ADAM23: variants seen among roughly 807,000 people sequenced by gnomAD.
ADAM23 encodes ADAM metallopeptidase domain 23, also known as disintegrin and metalloproteinase domain-containing protein 23.
In ADAM23, 33 loss-of-function variants were observed where a neutral mutation model predicts 120.1. That is an observed-to-expected ratio of 0.27 (90% confidence interval 0.21 to 0.37). The LOEUF is 0.37. Ranked by LOEUF, ADAM23 falls within the 10% of genes least tolerant of loss-of-function variation. The pLI is 1.00. For missense variants in ADAM23, 862 were observed against 1,058.2 expected, an observed-to-expected ratio of 0.81 and a Z score of 2.57; for synonymous variants, 367 against 375.2, an observed-to-expected ratio of 0.98 and a Z score of 0.25.
Position 206,558,363 on chromosome 2 carries a change from G to A in ADAM23, c.1005+865G>A, listed in dbSNP as rs982322569. On this transcript the variant is annotated intron_variant, in intron 10 of 25. Coordinates refer to ENST00000264377, the MANE Select transcript of ADAM23 (RefSeq NM_003812.4). ...AAAAAAACCCCACCATTTTTTATAA[G>A]TTGCCAAATATCTAAATGATACTTA... 5.3e-5 allele frequency among the ~76,000 whole-genome samples: 8 copies of A among 152,144 alleles called. No individual in the cohort carries two copies. In the South Asian group the frequency reaches 6.2e-4, roughly 12 times the overall value.
At chr2:206,488,281 G>A (rs550942237) in intron 3 of ADAM23, among the ~76,000 whole-genome samples, 7 of 152,200 alleles carry the variant, frequency 4.6e-5, no homozygotes, top group Non-Finnish European at 8.8e-5. Flanking sequence ...AGAATTTCTC[G>A]TCTTCAAGAG....
chr2:206,617,726 CT>C lies in ADAM23; in HGVS notation c.*102del. On this transcript the variant is annotated 3_prime_UTR_variant, in exon 26 of 26. Transcript: ENST00000264377. Reference sequence around the variant, plus strand: ...GAACTATTAAGTTTGTAAACAAAACCTTTGGGTGGTAATGACTACGGAGCTA... The same window carrying C: ...GAACTATTAAGTTTGTAAACAAAACCTTGGGTGGTAATGACTACGGAGCTA... 6.4e-7 allele frequency: 1 copy of C among 1,555,000 alleles called. No individual in the cohort carries two copies. Among genetic ancestry groups the C allele is most frequent in the Non-Finnish European group, 8.7e-7 (1 of 1,150,970 alleles).
intron 18 of ADAM23, among the ~76,000 whole-genome samples, chr2:206,585,535 ATTAG>A (rs1268034680): frequency 6.6e-6 from 1 of 152,228 alleles, no homozygotes; most frequent in Non-Finnish European, 1.5e-5. Flanking sequence ...GGAATGCTAA[ATTAG>A]TTCTGTTATC....
At chr2:206,476,510 G>T (rs536294321) in intron 2 of ADAM23, among the ~76,000 whole-genome samples, 1 of 152,216 alleles carries the variant, frequency 6.6e-6, no homozygotes, top group Admixed American at 6.5e-5. Context: ...TCTCATAGGA[G>T]CATGACCCCT....
At chr2:206,490,750 A>G (rs1271638760) in intron 3 of ADAM23, among the ~76,000 whole-genome samples, 1 of 152,082 alleles carries the variant, frequency 6.6e-6, no homozygotes, top group Non-Finnish European at 1.5e-5. Flanking sequence ...TTTTAATTCT[A>G]GAGTGCCAGG....
chr2:206,565,247 T>C (rs1697854647), intron 14 of ADAM23, among the ~76,000 whole-genome samples, 179 bp downstream of exon 14: 1 of 152,246 alleles, frequency 6.6e-6, no homozygotes, highest in African/African-American at 2.4e-5. Context: ...TAATTTTTTA[T>C]TTAAGGTTGG....
At chr2:206,613,607 C>A (rs997122955) in intron 25 of ADAM23, among the ~76,000 whole-genome samples, 4 of 152,254 alleles carry the variant, frequency 2.6e-5, no homozygotes, top group Admixed American at 1.3e-4. Flanking sequence ...GGATTGCAAA[C>A]CTCTGTCCTA....
At chr2:206,598,144 AT>A (rs1050993926) in intron 24 of ADAM23, among the ~76,000 whole-genome samples, 75 of 152,196 alleles carry the variant, frequency 4.9e-4, no homozygotes, top group African/African-American at 1.6e-3. Context: ...TTTAGAGAAG[AT>A]TTAAGCTCTA....
chr2:206,584,792 C>G (rs1376812479), intron 18 of ADAM23, among the ~76,000 whole-genome samples: 2 of 152,206 alleles, frequency 1.3e-5, no homozygotes, highest in Non-Finnish European at 2.9e-5. Context: ...AAAAGTTCAG[C>G]TAGAGAATTC....
chr2:206,610,103 A>C (rs777449561), intron 25 of ADAM23, 103 bp downstream of exon 25: 1 of 992,152 alleles, frequency 1.0e-6, no homozygotes, highest in Non-Finnish European at 1.4e-6. Flanking sequence ...AGGTTCTGTC[A>C]GTCAAACTGC....
At chr2:206,483,021 A>G (rs1246783550) in intron 3 of ADAM23, among the ~76,000 whole-genome samples, 1 of 152,170 alleles carries the variant, frequency 6.6e-6, no homozygotes, top group Non-Finnish European at 1.5e-5. Flanking sequence ...GGGACAGCTC[A>G]GCTCATGGAA....
chr2:206,476,867 C>T lies in ADAM23; in HGVS notation c.433-4365C>T, dbSNP rs530753327. ...AAATGTTATTTCCCATTTTCAGTTC[C>T]AGTTATGGGTACGCTCTACAGAACT... On this transcript the variant is annotated intron_variant, in intron 2 of 25. Coordinates refer to ENST00000264377, the MANE Select transcript of ADAM23 (RefSeq NM_003812.4). Among the ~76,000 whole-genome samples the T allele has an allele frequency of 4.5e-4, 69 of 152,092 alleles. No homozygotes were observed. In the South Asian group the frequency reaches 0.014, roughly 31 times the overall value.
intron 21 of ADAM23, among the ~76,000 whole-genome samples, chr2:206,591,806 A>G (rs1321691816): frequency 6.6e-6 from 1 of 152,194 alleles, no homozygotes; most frequent in Non-Finnish European, 1.5e-5. Flanking sequence ...TATTTCACCA[A>G]CACTTGGTAT....
intron 2 of ADAM23, among the ~76,000 whole-genome samples, chr2:206,474,801 C>T (rs1695742347): frequency 6.6e-6 from 1 of 152,156 alleles, no homozygotes; most frequent in African/African-American, 2.4e-5. Context: ...TCTTGAACTC[C>T]TGGCTTCAAG....
chr2:206,532,436 G>T lies in ADAM23; in HGVS notation c.573+1488G>T, dbSNP rs1451017515. ...AGACACTCCAAATCTGATATCAGTT[G>T]TAACTAAAACTTAAAAGGTATTTCA... is the stretch of plus-strand genomic sequence containing the variant. On this transcript the variant is annotated intron_variant, in intron 4 of 25. Transcript: ENST00000264377. 2.0e-5 allele frequency among the ~76,000 whole-genome samples: 3 copies of T among 151,956 alleles called. No homozygotes were observed. The East Asian group carries it at 5.8e-4, about 29-fold the overall frequency.
intron 2 of ADAM23, among the ~76,000 whole-genome samples, chr2:206,470,659 G>A (rs192077644): frequency 6.6e-6 from 1 of 152,146 alleles, no homozygotes; most frequent in African/African-American, 2.4e-5. Flanking sequence ...ACTGGCACCT[G>A]CATTTTTGTA....
intron 14 of ADAM23, among the ~76,000 whole-genome samples, chr2:206,565,530 C>G (rs906762995): frequency 1.3e-5 from 2 of 152,174 alleles, no homozygotes; most frequent in East Asian, 3.9e-4. Flanking sequence ...CTTATTGTAT[C>G]TAAATCAGGT....
At chr2:206,557,527 G>T in intron 10 of ADAM23, 29 bp downstream of exon 10, 2 of 1,560,392 alleles carry the variant, frequency 1.3e-6, no homozygotes, top group Non-Finnish European at 1.8e-6. Context: ...TTGAATTTGT[G>T]TGCCAAGATG....
In ADAM23 at chr2:206,617,842, G is replaced by T; in HGVS notation, c.*215G>T. On this transcript the variant is annotated 3_prime_UTR_variant, in exon 26 of 26. Transcript: ENST00000264377. ...CCTTTCACCACCTGTCAGTAAACGGGGGAGGGGGCAAAAGACCATGCTATA... is the reference window on the plus strand; with the variant it reads ...CCTTTCACCACCTGTCAGTAAACGGTGGAGGGGGCAAAAGACCATGCTATA... 1 of 1,007,794 alleles carries T rather than the reference G, an allele frequency of 9.9e-7. No individual in the cohort carries two copies. The highest frequency in any genetic ancestry group is 1.3e-6 in the Non-Finnish European group (1 of 753,304). 62.4% of individuals were successfully genotyped at this position (1,007,794 alleles called of 1,614,324 possible).
Sources: allele counts gnomAD v4.1 joint callset (sites outside exome capture counted in the v4.1 genomes callset), GRCh38; gene constraint gnomAD v4.1.1; transcripts MANE v1.5; gene names NCBI Gene and HGNC (gene_info 2026-07-23, HGNC 2026-07-21).